The following PMFBP1 variants were observed in gnomAD, a reference collection of about 807,000 sequenced individuals.
PMFBP1 encodes the protein polyamine modulated factor 1 binding protein 1.
A neutral mutation model predicts 137.8 loss-of-function variants in PMFBP1; 131 were observed. The ratio of observed to expected loss-of-function variants is 0.95; its 90% CI spans 0.82 to 1.10. The LOEUF (loss-of-function observed/expected upper bound fraction) is 1.10. Ranked by LOEUF, PMFBP1 falls within the 50% of genes least tolerant of loss-of-function variation. The pLI is 0.00. For missense variants in PMFBP1, 1,199 were observed against 1,175.4 expected (o/e 1.02, Z -0.29); for synonymous variants, 490 against 450.4 (o/e 1.09, Z -1.11).
the PMFBP1 span, among the ~76,000 whole-genome samples, chr16:72,235,258 A>G: frequency 6.6e-6 from 1 of 152,028 alleles, no homozygotes; most frequent in East Asian, 1.9e-4. Context: ...TTCCAGCCCC[A>G]TTTGTTGATC....
the PMFBP1 span, among the ~76,000 whole-genome samples, chr16:72,204,520 C>G: frequency 3.9e-5 from 6 of 152,196 alleles, no homozygotes; most frequent in African/African-American, 1.2e-4. Context: ...ACATTTATCC[C>G]CTGAACCAAA....
chr16:72,215,200 AT>A, the PMFBP1 span, among the ~76,000 whole-genome samples: 1 of 152,174 alleles, frequency 6.6e-6, no homozygotes, highest in Non-Finnish European at 1.5e-5. Flanking sequence ...AAGAACCAAT[AT>A]TTGAGAAAAT....
the PMFBP1 span, among the ~76,000 whole-genome samples, chr16:72,218,857 G>A: frequency 7.2e-5 from 11 of 152,040 alleles, no homozygotes; most frequent in Middle Eastern, 3.2e-3. Context: ...TGTTCTATGG[G>A]GTATGGGAAA....
chr16:72,236,101 C>T, the PMFBP1 span, among the ~76,000 whole-genome samples: 4,561 of 152,198 alleles, frequency 0.03, 237 homozygotes, highest in African/African-American at 0.1. Flanking sequence ...TCTTTCACCA[C>T]TAAATACGAT....
intron 9 of PMFBP1, among the ~76,000 whole-genome samples, chr16:72,135,326 C>G (rs1018902964): frequency 6.6e-6 from 1 of 151,536 alleles, no homozygotes; most frequent in African/African-American, 2.4e-5. Context: ...CAGCTGTGCA[C>G]CACCATGCCT....
chr16:72,220,116 T>C, the PMFBP1 span, among the ~76,000 whole-genome samples: 1 of 152,220 alleles, frequency 6.6e-6, no homozygotes, highest in South Asian at 2.1e-4. Context: ...CTTTGAAAAG[T>C]AACTTGGAAA....
the PMFBP1 span, among the ~76,000 whole-genome samples, chr16:72,205,260 C>T: frequency 7.9e-5 from 12 of 152,364 alleles, no homozygotes; most frequent in East Asian, 1.9e-3. Flanking sequence ...CACTCCAAAG[C>T]GCTGAAGCGT....
Position 72,125,372 on chromosome 16 carries a change from G to A in PMFBP1, c.2287C>T (p.Gln763Ter). 1.2e-6 allele frequency: 2 copies of A among 1,613,170 alleles called. No individual in the cohort carries two copies. The highest frequency in any genetic ancestry group is 1.7e-6 in the Non-Finnish European group (2 of 1,179,818). Residue 763 changes from glutamine to a stop codon, truncating the protein, a stop_gained, in exon 16 of 21, where the codon CAG (glutamine) becomes TAG (stop). Coordinates refer to ENST00000237353, the MANE Select transcript of PMFBP1 (RefSeq NM_031293.3). LOFTEE classifies it high-confidence loss of function. ...NHVTSETKSL[Q>*]QSLTQTQEKK... ...TCTTGGGTCTGTGTCAAGCTTTGCT[G>A]CAGGCTCTTTGTCTCTGAGGTCACG...
chr16:72,233,098 G>C, the PMFBP1 span, among the ~76,000 whole-genome samples: 1 of 151,934 alleles, frequency 6.6e-6, no homozygotes. Context: ...GTTGCTAAAG[G>C]GAAAACTAAG....
intron 2 of PMFBP1, 60 bp from the exon 3 acceptor site, chr16:72,164,976 T>A: frequency 6.7e-7 from 1 of 1,496,560 alleles, no homozygotes; most frequent in East Asian, 2.3e-5. Context: ...GCTGCTTTCA[T>A]TCACTTAACA....
chr16:72,217,286 AATT>A, the PMFBP1 span, among the ~76,000 whole-genome samples: 3 of 152,210 alleles, frequency 2.0e-5, no homozygotes, highest in Non-Finnish European at 2.9e-5. Context: ...AGTTATTTAT[AATT>A]AATAATATTA....
At chr16:72,190,878 T>C in the PMFBP1 span, among the ~76,000 whole-genome samples, 2 of 152,202 alleles carry the variant, frequency 1.3e-5, no homozygotes, top group African/African-American at 4.8e-5. Context: ...GTGAGGACTT[T>C]GAGGGAAGAC....
the PMFBP1 span, among the ~76,000 whole-genome samples, chr16:72,229,328 G>A: frequency 6.6e-6 from 1 of 152,160 alleles, no homozygotes; most frequent in African/African-American, 2.4e-5. Flanking sequence ...GTGTGCATGT[G>A]TCTTTATGGT....
the PMFBP1 span, among the ~76,000 whole-genome samples, chr16:72,182,475 AAC>A: frequency 2.7e-5 from 4 of 146,890 alleles, no homozygotes; most frequent in Non-Finnish European, 6.0e-5. Flanking sequence ...CAGCCTGAGC[AAC>A]AGAGTGAAAC....
At chr16:72,182,673 G>T in the PMFBP1 span, among the ~76,000 whole-genome samples, 3 of 152,166 alleles carry the variant, frequency 2.0e-5, no homozygotes, top group Admixed American at 2.0e-4. Flanking sequence ...ACGATGAGAA[G>T]TGTAACTCCA....
chr16:72,123,101 C>A (rs12935266), intron 18 of PMFBP1, 113 bp from the exon 19 acceptor site: 6 of 912,254 alleles, frequency 6.6e-6, no homozygotes, highest in Non-Finnish European at 1.0e-5. Context: ...CTGCATCCCA[C>A]GTCCCCCACG....
At chr16:72,244,388 T>C in the PMFBP1 span, among the ~76,000 whole-genome samples, 11 of 152,240 alleles carry the variant, frequency 7.2e-5, no homozygotes, top group East Asian at 1.5e-3. Context: ...TGTAAATGTG[T>C]AGAAAAGAAT....
chr16:72,146,613 A>G (rs1470827013), intron 5 of PMFBP1, among the ~76,000 whole-genome samples: 3 of 152,236 alleles, frequency 2.0e-5, no homozygotes, highest in African/African-American at 4.8e-5. Context: ...ATGATGGTAT[A>G]TTTAGAAAAC....
At chr16:72,187,338 T>G in the PMFBP1 span, among the ~76,000 whole-genome samples, 1 of 152,142 alleles carries the variant, frequency 6.6e-6, no homozygotes, top group Non-Finnish European at 1.5e-5. Flanking sequence ...TTCAACTCAT[T>G]GGGTTAAAGC....
Sources: allele counts gnomAD v4.1 joint callset (sites outside exome capture counted in the v4.1 genomes callset), GRCh38; gene constraint gnomAD v4.1.1; transcripts MANE v1.5; gene names NCBI Gene and HGNC (gene_info 2026-07-23, HGNC 2026-07-21).